ADAM22: variants seen among roughly 807,000 people sequenced by gnomAD.
ADAM22 encodes the protein disintegrin and metalloproteinase domain-containing protein 22.
A neutral mutation model predicts 144.6 loss-of-function variants in ADAM22; 65 were observed. The ratio of observed to expected loss-of-function variants is 0.45; its 90% CI spans 0.37 to 0.55. The LOEUF (loss-of-function observed/expected upper bound fraction) is 0.55, where lower values mean the gene tolerates loss of function less well. Ranked by LOEUF, ADAM22 falls within the 20% of genes least tolerant of loss-of-function variation. The pLI, the probability that ADAM22 is intolerant of heterozygous loss-of-function variation, is 0.00. For missense variants in ADAM22, 974 were observed against 1,184.9 expected (o/e 0.82, Z 2.61); for synonymous variants, 391 against 412.6 (o/e 0.95, Z 0.63).
intron 4 of ADAM22, 31 bp from the exon 5 acceptor site, chr7:88,108,145 A>AAAGAC: frequency 6.3e-7 from 1 of 1,589,232 alleles, no homozygotes; most frequent in Non-Finnish European, 8.6e-7. Flanking sequence ...CTTGTGATGC[A>AAAGAC]AAGACTTACA....
intron 2 of ADAM22, among the ~76,000 whole-genome samples, chr7:87,967,581 C>A (rs992163746): frequency 6.6e-6 from 1 of 151,920 alleles, no homozygotes; most frequent in East Asian, 1.9e-4. Context: ...GAGGCCGAGG[C>A]AGTCAGATCA....
chr7:88,196,899 C>T lies in ADAM22; in HGVS notation c.*408C>T. 5.6e-6 allele frequency: 1 copy of T among 179,684 alleles called. No homozygotes were observed. Among genetic ancestry groups the T allele is most frequent in the Non-Finnish European group, 1.2e-5 (1 of 83,542 alleles). The allele number at this position is 179,684 out of a possible 1,614,324, so 11.1% of individuals were successfully genotyped here. On this transcript the variant is annotated 3_prime_UTR_variant, in exon 32 of 32. Transcript: ENST00000413139. Reference sequence around the variant, plus strand: ...TCACTGTAAACAGTAATGCTATATGCATGAAGCTTCTGTTTATTGTTTTCC... The same window carrying T: ...TCACTGTAAACAGTAATGCTATATGTATGAAGCTTCTGTTTATTGTTTTCC...
chr7:88,158,422 C>T (rs1453911119), intron 22 of ADAM22, among the ~76,000 whole-genome samples: 2 of 152,084 alleles, frequency 1.3e-5, no homozygotes, highest in Non-Finnish European at 2.9e-5. Context: ...CTCTACAGAA[C>T]TCTCCACCCA....
At chr7:87,955,441 G>A (rs1034529640) in intron 2 of ADAM22, among the ~76,000 whole-genome samples, 2 of 152,202 alleles carry the variant, frequency 1.3e-5, no homozygotes, top group South Asian at 2.1e-4. Context: ...GGTGTCTGCA[G>A]AACCGCAGAT....
chr7:87,989,223 T>C (rs919375509), intron 3 of ADAM22, among the ~76,000 whole-genome samples: 1 of 152,230 alleles, frequency 6.6e-6, no homozygotes, highest in South Asian at 2.1e-4. Flanking sequence ...ACATTATTTC[T>C]TAGATATAAA....
intron 26 of ADAM22, among the ~76,000 whole-genome samples, chr7:88,174,767 G>A (rs1845223752): frequency 6.6e-6 from 1 of 151,900 alleles, no homozygotes; most frequent in Admixed American, 6.6e-5. Context: ...TTTGATTTAT[G>A]GTTTCACTTT....
At chr7:88,110,101 G>T (rs961291839) in intron 5 of ADAM22, among the ~76,000 whole-genome samples, 2 of 152,132 alleles carry the variant, frequency 1.3e-5, no homozygotes, top group Admixed American at 6.5e-5. Context: ...GTGAATAAAG[G>T]TGTACATTTA....
At chr7:87,978,271 A>G in intron 2 of ADAM22, 65 bp from the exon 3 acceptor site, 1 of 1,196,890 alleles carries the variant, frequency 8.4e-7, no homozygotes, top group East Asian at 2.4e-5. Context: ...TAATCATAAG[A>G]AAGACTAATT....
intron 3 of ADAM22, among the ~76,000 whole-genome samples, chr7:88,071,391 A>ATTTTTTTTTTTTTTTTTTTTT (rs71297113): frequency 7.9e-6 from 1 of 126,058 alleles, no homozygotes; most frequent in African/African-American, 3.0e-5. Flanking sequence ...TTATGAAGTG[A>ATTTTTTTTTTTTTTTTTTTTT]TTTTTTTTTT....
chr7:88,147,004 T>G (rs1836684349), intron 17 of ADAM22, among the ~76,000 whole-genome samples: 1 of 152,252 alleles, frequency 6.6e-6, no homozygotes, highest in South Asian at 2.1e-4. Context: ...TTATTTATCT[T>G]AATCCTCAAT....
At chr7:88,150,317 C>G (rs1837958867) in intron 18 of ADAM22, among the ~76,000 whole-genome samples, 1 of 152,138 alleles carries the variant, frequency 6.6e-6, no homozygotes, top group Non-Finnish European at 1.5e-5. Context: ...TCCGTTTTTG[C>G]AAAATGGCAC....
At chr7:88,074,951 A>G (rs1012944964) in intron 3 of ADAM22, among the ~76,000 whole-genome samples, 6 of 152,158 alleles carry the variant, frequency 3.9e-5, no homozygotes, top group African/African-American at 1.4e-4. Flanking sequence ...AAATTTATTA[A>G]TGATAGTTTT....
rs548961378 is a variant in ADAM22, at chr7:88,065,755, T to A, written c.324-9871T>A. On this transcript the variant is annotated intron_variant, in intron 3 of 31. Coordinates refer to ENST00000413139, the MANE Select transcript of ADAM22 (RefSeq NM_001324418.2). ...AAAATTTTTCAGTGTTTCACAATGA[T>A]AGTGTATGGAAGATCTTTACAGCTA... is the stretch of plus-strand genomic sequence containing the variant. 2.1e-4 allele frequency among the ~76,000 whole-genome samples: 32 copies of A among 152,272 alleles called. 1 individual carries two copies. The East Asian group carries it at 6.2e-3, about 29-fold the overall frequency.
At chr7:87,955,826 C>G (rs867998159) in intron 2 of ADAM22, among the ~76,000 whole-genome samples, 9 of 152,286 alleles carry the variant, frequency 5.9e-5, no homozygotes, top group Middle Eastern at 3.4e-3. Context: ...CGAGCCTGGG[C>G]AATGGTGGGC....
chr7:88,137,485 T>G (rs565116871), intron 14 of ADAM22, among the ~76,000 whole-genome samples: 1 of 152,336 alleles, frequency 6.6e-6, no homozygotes, highest in South Asian at 2.1e-4. Context: ...TTCAGCTTCT[T>G]AAATACTTGC....
intron 7 of ADAM22, among the ~76,000 whole-genome samples, chr7:88,117,883 A>G (rs535702785): frequency 7.9e-4 from 120 of 151,992 alleles, no homozygotes; most frequent in Middle Eastern, 3.4e-3. Context: ...TAGTAGAGAC[A>G]GGGGTTTCGC....
At chr7:88,004,838 A>G (rs974443438) in intron 3 of ADAM22, among the ~76,000 whole-genome samples, 1 of 152,128 alleles carries the variant, frequency 6.6e-6, no homozygotes. Context: ...CAGATTAATG[A>G]TTTTGATGCT....
intron 5 of ADAM22, among the ~76,000 whole-genome samples, chr7:88,114,363 G>A (rs947918331): frequency 6.6e-6 from 1 of 152,150 alleles, no homozygotes; most frequent in African/African-American, 2.4e-5. Context: ...GCAATCCTGA[G>A]CATGGGGTCA....
intron 3 of ADAM22, among the ~76,000 whole-genome samples, chr7:88,020,162 C>A (rs571136938): frequency 6.6e-6 from 1 of 151,988 alleles, no homozygotes; most frequent in East Asian, 1.9e-4. Context: ...GGTGTTAATG[C>A]GCAGGCATTG....
Sources: gnomAD v4.1 joint callset for allele counts (sites outside exome capture counted in the v4.1 genomes callset) on GRCh38, gnomAD v4.1.1 for gene constraint, MANE v1.5 for transcripts, NCBI Gene and HGNC (gene_info 2026-07-23, HGNC 2026-07-21) for gene names.